Variants in UBE2H observed in about 807,000 individuals in gnomAD.
UBE2H encodes ubiquitin-conjugating enzyme E2 H.
A neutral mutation model predicts 29.0 loss-of-function variants in UBE2H; 3 were observed. The ratio of observed to expected loss-of-function variants is 0.10; its 90% CI spans 0.05 to 0.27. The LOEUF (loss-of-function observed/expected upper bound fraction) is 0.27, where lower values mean the gene tolerates loss of function less well. Among genes scored for constraint, UBE2H ranks in the 10% least tolerant of loss-of-function variants. The pLI, the probability that UBE2H is intolerant of heterozygous loss-of-function variation, is 1.00. For missense variants in UBE2H, 68 were observed against 228.2 expected (o/e 0.30, Z 4.52); for synonymous variants, 69 against 82.9 (o/e 0.83, Z 0.91).
intron 1 of UBE2H, among the ~76,000 whole-genome samples, chr7:129,906,567 T>TG (rs1271072671): frequency 6.6e-6 from 1 of 152,094 alleles, no homozygotes; most frequent in African/African-American, 2.4e-5. Context: ...CAGATAGGCA[T>TG]CTAGAATTAA....
chr7:129,868,208 C>G (rs1283159370), intron 3 of UBE2H, among the ~76,000 whole-genome samples: 1 of 152,116 alleles, frequency 6.6e-6, no homozygotes, highest in Non-Finnish European at 1.5e-5. Context: ...AGGAACTAAC[C>G]TAGGCAGCAA....
chr7:129,870,866 C>T (rs1373837365), intron 3 of UBE2H, among the ~76,000 whole-genome samples: 1 of 152,262 alleles, frequency 6.6e-6, no homozygotes, highest in African/African-American at 2.4e-5. Context: ...CCGTGTGTCA[C>T]ACACCTCACA....
chr7:129,901,281 G>A lies in UBE2H; in HGVS notation c.54-20310C>T, dbSNP rs189426733. Reference sequence around the variant, plus strand: ...GTTGTGGAGGGAGGACAGGAGCCCAGGCAGTCTAGTTCAAGTCTGTTCTTT... The same window carrying A: ...GTTGTGGAGGGAGGACAGGAGCCCAAGCAGTCTAGTTCAAGTCTGTTCTTT... On this transcript the variant is annotated intron_variant, in intron 1 of 6. Transcript: ENST00000355621. Among the ~76,000 whole-genome samples, 339 of 152,284 alleles carry A rather than the reference G, an allele frequency of 2.2e-3. 5 individuals are homozygous for A. The highest frequency in any genetic ancestry group is 2.7e-3 in the Non-Finnish European group (183 of 68,030).
intron 1 of UBE2H, among the ~76,000 whole-genome samples, chr7:129,933,933 C>T (rs1807459136): frequency 6.6e-6 from 1 of 152,164 alleles, no homozygotes; most frequent in Admixed American, 6.6e-5. Flanking sequence ...CTGTGTGGTC[C>T]AGATTTTTAA....
chr7:129,942,261 G>A (rs571694755), intron 1 of UBE2H, among the ~76,000 whole-genome samples: 10 of 146,320 alleles, frequency 6.8e-5, no homozygotes, highest in Admixed American at 4.8e-4. Flanking sequence ...CAGGCTGGGC[G>A]CGGTGGCTCA....
chr7:129,877,174 T>C (rs541823416), intron 3 of UBE2H, among the ~76,000 whole-genome samples: 15 of 152,162 alleles, frequency 9.9e-5, no homozygotes, highest in Admixed American at 5.2e-4. Context: ...ACAAAGTACA[T>C]AGACACTGCA....
chr7:129,849,444 G>A (rs1805569859), intron 5 of UBE2H, among the ~76,000 whole-genome samples: 1 of 152,104 alleles, frequency 6.6e-6, no homozygotes, highest in African/African-American at 2.4e-5. Flanking sequence ...CGGGTTTGGT[G>A]GTGGGCGCCG....
intron 5 of UBE2H, among the ~76,000 whole-genome samples, chr7:129,847,978 C>T (rs1295271651): frequency 1.3e-5 from 2 of 152,196 alleles, no homozygotes; most frequent in Non-Finnish European, 2.9e-5. Context: ...TATATCATTC[C>T]AGCCCTGGAT....
At chr7:129,872,549 A>G (rs1806060416) in intron 3 of UBE2H, among the ~76,000 whole-genome samples, 1 of 152,002 alleles carries the variant, frequency 6.6e-6, no homozygotes, top group South Asian at 2.1e-4. Context: ...AAAAAAATAT[A>G]TATATATATT....
At chr7:129,883,063 A>C (rs1451533485) in intron 1 of UBE2H, among the ~76,000 whole-genome samples, 2 of 152,250 alleles carry the variant, frequency 1.3e-5, no homozygotes, top group Non-Finnish European at 2.9e-5. Context: ...GTAAAACTGA[A>C]GTATAAAAAA....
At chr7:129,865,135 G>C in intron 3 of UBE2H, 1 of 376,742 alleles carries the variant, frequency 2.7e-6, no homozygotes, top group Non-Finnish European at 5.2e-6. Context: ...AAAAAGTACA[G>C]ATTACAACAG....
intron 1 of UBE2H, among the ~76,000 whole-genome samples, chr7:129,890,247 G>A (rs904971488): frequency 1.3e-4 from 19 of 144,062 alleles, no homozygotes; most frequent in Admixed American, 9.3e-4. Flanking sequence ...ATATACACAC[G>A]TATACATACA....
intron 5 of UBE2H, among the ~76,000 whole-genome samples, chr7:129,853,209 GCC>G (rs1563022747): frequency 6.6e-6 from 1 of 152,172 alleles, no homozygotes; most frequent in Non-Finnish European, 1.5e-5. Context: ...AGGGTGATAA[GCC>G]AACTACAGAT....
chr7:129,890,289 G>A (rs556286337), intron 1 of UBE2H, among the ~76,000 whole-genome samples: 3 of 148,770 alleles, frequency 2.0e-5, no homozygotes, highest in African/African-American at 2.5e-5. Flanking sequence ...ATATATACAC[G>A]TGTATATGTA....
At position 129,832,805 on chromosome 7, in the gene UBE2H, A is replaced by C. The variant is rs1294451135; in HGVS notation, c.*2132T>G. The C allele has an allele frequency of 6.6e-6, 1 of 152,162 alleles. No homozygotes were observed. The highest frequency in any genetic ancestry group is 1.9e-4 in the East Asian group (1 of 5,204). 9.4% of individuals were successfully genotyped at this position (152,162 alleles called of 1,614,324 possible). A position where few individuals can be genotyped will look rare whatever the true frequency, so the allele number is the denominator to read the frequency against. ...TGTTTATACAATATTGAAAAAATAC[A>C]ATTTTTTATTGTTTGAACTCAAATC... On this transcript the variant is annotated 3_prime_UTR_variant, in exon 7 of 7. Transcript: ENST00000355621.
rs373207208 is a variant in UBE2H, at chr7:129,835,105, G to A, written c.428-44C>T. Reference sequence around the variant, plus strand: ...AGACAACAAGGGCAGTGAGTGGGCAGGCATGTGCTTTGGCGACCCCAAAAA... The same window carrying A: ...AGACAACAAGGGCAGTGAGTGGGCAAGCATGTGCTTTGGCGACCCCAAAAA... On this transcript the variant is annotated intron_variant, in intron 6 of 6. Transcript: ENST00000355621. 1.2e-5 allele frequency: 19 copies of A among 1,611,524 alleles called. No homozygotes were observed. The African/African-American group carries it at 2.3e-4, about 19-fold the overall frequency.
intron 3 of UBE2H, among the ~76,000 whole-genome samples, chr7:129,879,109 G>T (rs1806205276): frequency 1.3e-5 from 2 of 152,164 alleles, no homozygotes; most frequent in South Asian, 4.1e-4. Context: ...GAGGTGGGAA[G>T]ACTGCAAAGG....
At chr7:129,881,955 A>G (rs1806263436) in intron 1 of UBE2H, among the ~76,000 whole-genome samples, 1 of 152,106 alleles carries the variant, frequency 6.6e-6, no homozygotes, top group African/African-American at 2.4e-5. Flanking sequence ...CAACAAAACA[A>G]AAAAAAATTT....
At chr7:129,928,959 T>C (rs1807329665) in intron 1 of UBE2H, among the ~76,000 whole-genome samples, 1 of 152,256 alleles carries the variant, frequency 6.6e-6, no homozygotes, top group Admixed American at 6.5e-5. Flanking sequence ...AACTGCTTTA[T>C]GAATAGAATA....
Sources: gnomAD v4.1 joint callset for allele counts (sites outside exome capture counted in the v4.1 genomes callset) on GRCh38, gnomAD v4.1.1 for gene constraint, MANE v1.5 for transcripts, NCBI Gene and HGNC (gene_info 2026-07-23, HGNC 2026-07-21) for gene names.